CAST: variants seen among roughly 807,000 people sequenced by gnomAD.
The protein encoded by CAST is MIR583 host.
Under a neutral mutation model 119.6 loss-of-function variants are expected in CAST, and 76 were observed. The observed-to-expected ratio is 0.64, with a 90% CI of 0.53 to 0.77. The LOEUF is 0.77. Among genes scored for constraint, CAST ranks in the 30% least tolerant of loss-of-function variants. The probability of loss-of-function intolerance (pLI) is 0.00; values close to 1 mark genes in which losing one functional copy is unlikely to be tolerated. For synonymous variants in CAST, 319 were observed against 331.6 expected (o/e 0.96, Z 0.41); for missense variants, 953 against 946.5 (o/e 1.01, Z -0.09).
chr5:96,443,504 A>G, the CAST span, among the ~76,000 whole-genome samples: 15 of 152,242 alleles, frequency 9.9e-5, no homozygotes. Flanking sequence ...AAACTAATCA[A>G]TTGTGATCAC....
At chr5:96,157,855 A>G in the CAST span, among the ~76,000 whole-genome samples, 2 of 152,194 alleles carry the variant, frequency 1.3e-5, no homozygotes, top group African/African-American at 4.8e-5. Context: ...ATTATGTTAA[A>G]TGTTTTCTTT....
intron 1 of CAST, chr5:96,662,866 C>G (rs992716313): frequency 1.8e-6 from 1 of 567,400 alleles, no homozygotes; most frequent in South Asian, 2.2e-5. Flanking sequence ...GTCTTCCGCG[C>G]TAAGGCCGGG....
chr5:96,550,124 G>T (rs7701182), intron 1 of CAST, among the ~76,000 whole-genome samples: 1 of 152,192 alleles, frequency 6.6e-6, no homozygotes, highest in African/African-American at 2.4e-5. Context: ...CCTGACCCCC[G>T]TGTAGCCTGA....
chr5:96,511,031 C>G, the CAST span, among the ~76,000 whole-genome samples: 1 of 152,242 alleles, frequency 6.6e-6, no homozygotes, highest in Non-Finnish European at 1.5e-5. Context: ...GTGGTCCACA[C>G]TGTGGCTCTC....
At chr5:95,993,767 A>G in the CAST span, among the ~76,000 whole-genome samples, 11,737 of 151,900 alleles carry the variant, frequency 0.077, 990 homozygotes, top group African/African-American at 0.21. Context: ...TATATAAAGA[A>G]CTCTTACAAC....
At chr5:96,501,652 T>C in the CAST span, among the ~76,000 whole-genome samples, 1 of 152,322 alleles carries the variant, frequency 6.6e-6, no homozygotes, top group South Asian at 2.1e-4. Context: ...CAGAGATAAG[T>C]AATGCAATGA....
At chr5:96,666,697 GTATAAGCC>G (rs1749382108) in intron 1 of CAST, among the ~76,000 whole-genome samples, 1 of 152,208 alleles carries the variant, frequency 6.6e-6, no homozygotes. Context: ...GCCCCATTGT[GTATAAGCC>G]TTTTAAACCA....
At chr5:96,278,190 G>A in the CAST span, among the ~76,000 whole-genome samples, 5 of 152,182 alleles carry the variant, frequency 3.3e-5, no homozygotes, top group African/African-American at 4.8e-5. Context: ...GCAAGTATGT[G>A]ATTTCAGGAG....
the CAST span, among the ~76,000 whole-genome samples, chr5:96,431,466 T>A: frequency 6.6e-6 from 1 of 152,140 alleles, no homozygotes; most frequent in African/African-American, 2.4e-5. Flanking sequence ...CAAATTACAA[T>A]CAGTTGCAAT....
chr5:96,696,063 T>C (rs1458883088), intron 3 of CAST, 156 bp downstream of exon 3: 1 of 423,552 alleles, frequency 2.4e-6, no homozygotes, highest in African/African-American at 2.0e-5. Context: ...ATATAATTTC[T>C]TAATAATGAT....
chr5:96,015,599 G>C, the CAST span, among the ~76,000 whole-genome samples: 1 of 152,146 alleles, frequency 6.6e-6, no homozygotes, highest in African/African-American at 2.4e-5. Flanking sequence ...TTGAAGCTCA[G>C]AGAAAGGGAC....
At chr5:96,696,146 T>A (rs1288585948) in intron 3 of CAST, 1 of 252,344 alleles carries the variant, frequency 4.0e-6, no homozygotes, top group African/African-American at 2.2e-5. Context: ...GTTAAATAAA[T>A]ATTAATTATT....
chr5:96,191,136 C>T, the CAST span, among the ~76,000 whole-genome samples: 1 of 152,180 alleles, frequency 6.6e-6, no homozygotes, highest in Non-Finnish European at 1.5e-5. Flanking sequence ...CATATTTGTG[C>T]TGTGGGATGC....
At chr5:96,765,198 A>C (rs1161580925) in intron 25 of CAST, 23 bp from the exon 26 acceptor site, 9 of 1,377,984 alleles carry the variant, frequency 6.5e-6, no homozygotes, top group African/African-American at 2.9e-5. Flanking sequence ...TGAGTGACTA[A>C]TTCAGCATTA....
At chr5:96,117,572 G>A in the CAST span, among the ~76,000 whole-genome samples, 1 of 152,112 alleles carries the variant, frequency 6.6e-6, no homozygotes, top group African/African-American at 2.4e-5. Context: ...ATAACTTATG[G>A]TAGATATGAA....
At chr5:96,064,016 G>A in the CAST span, among the ~76,000 whole-genome samples, 1 of 152,106 alleles carries the variant, frequency 6.6e-6, no homozygotes, top group Non-Finnish European at 1.5e-5. Context: ...TTACCTGTGG[G>A]GAAGCTAACC....
the CAST span, chr5:95,970,308 A>C: frequency 6.6e-6 from 1 of 152,250 alleles, no homozygotes; most frequent in Admixed American, 6.5e-5. Flanking sequence ...TGGAAAGTAA[A>C]GAGAACAAAA....
chr5:96,699,402 G>A (rs775752647), intron 3 of CAST, among the ~76,000 whole-genome samples: 2 of 152,198 alleles, frequency 1.3e-5, no homozygotes, highest in Non-Finnish European at 1.5e-5. Flanking sequence ...CTTAAGGAAC[G>A]GGGTAGCTGG....
chr5:96,180,056 A>C, the CAST span, among the ~76,000 whole-genome samples: 5 of 152,130 alleles, frequency 3.3e-5, no homozygotes, highest in East Asian at 7.7e-4. Flanking sequence ...TAGAGCGTAA[A>C]AGGTGAGATA....
Sources: gnomAD v4.1 joint callset for allele counts (sites outside exome capture counted in the v4.1 genomes callset) on GRCh38, gnomAD v4.1.1 for gene constraint, MANE v1.5 for transcripts, NCBI Gene and HGNC (gene_info 2026-07-23, HGNC 2026-07-21) for gene names.